SGMS1: variants seen among roughly 807,000 people sequenced by gnomAD.
SGMS1 encodes the protein phosphatidylcholine:ceramide cholinephosphotransferase 1.
A neutral mutation model predicts 46.2 loss-of-function variants in SGMS1; 13 were observed. That is an observed-to-expected ratio of 0.28 (90% confidence interval 0.18 to 0.45). The LOEUF (loss-of-function observed/expected upper bound fraction) is 0.45, where lower values mean the gene tolerates loss of function less well. SGMS1 is among the 20% of genes least tolerant of loss of function. The pLI is 1.00. For synonymous variants in SGMS1, 203 were observed against 187.8 expected, an observed-to-expected ratio of 1.08 and a Z score of -0.66; for missense variants, 324 against 519.9, an observed-to-expected ratio of 0.62 and a Z score of 3.66.
Position 50,511,248 on chromosome 10 carries a change from T to TACACACACACACACAC in SGMS1, c.-498+8567_-498+8582dup, listed in dbSNP as rs3054272. 3.2e-3 allele frequency among the ~76,000 whole-genome samples: 449 copies of TACACACACACACACAC among 141,756 alleles called. 1 individual carries two copies. Among genetic ancestry groups the TACACACACACACACAC allele is most frequent in the Admixed American group, 7.6e-3 (106 of 13,884 alleles). 93.0% of individuals were successfully genotyped at this position (141,756 alleles called of 152,430 possible). A position where few individuals can be genotyped will look rare whatever the true frequency, so the allele number is the denominator to read the frequency against. On this transcript the variant is annotated intron_variant, in intron 3 of 10. Transcript: ENST00000361781. Reference sequence around the variant, plus strand: ...TGAGAAATATTCATTCACTCATTCATACACACACACACACACACACACACA... The same window carrying TACACACACACACACAC: ...TGAGAAATATTCATTCACTCATTCATACACACACACACACACACACACACACACACACACACACACA...
chr10:50,589,300 C>T (rs944321081), intron 2 of SGMS1, among the ~76,000 whole-genome samples: 2 of 152,134 alleles, frequency 1.3e-5, no homozygotes, highest in East Asian at 1.9e-4. Flanking sequence ...GACTCACTGT[C>T]GCCCAGCCTG....
At chr10:50,313,462 G>A (rs149408581) in intron 8 of SGMS1, among the ~76,000 whole-genome samples, 1 of 152,202 alleles carries the variant, frequency 6.6e-6, no homozygotes, top group Non-Finnish European at 1.5e-5. Context: ...AAAAGGCGCT[G>A]TTGGGGTCAG....
chr10:50,425,789 T>C (rs1033863205), intron 6 of SGMS1, among the ~76,000 whole-genome samples: 1 of 152,234 alleles, frequency 6.6e-6, no homozygotes, highest in East Asian at 1.9e-4. Flanking sequence ...ACATGTTTTG[T>C]AGATCAGGTT....
chr10:50,495,394 G>C (rs1032907378), intron 3 of SGMS1, among the ~76,000 whole-genome samples: 1 of 152,056 alleles, frequency 6.6e-6, no homozygotes, highest in Non-Finnish European at 1.5e-5. Flanking sequence ...AATAGAATGT[G>C]ATCTATTTGA....
At chr10:50,484,576 TG>T (rs1837503979) in intron 3 of SGMS1, among the ~76,000 whole-genome samples, 1 of 152,046 alleles carries the variant, frequency 6.6e-6, no homozygotes, top group Non-Finnish European at 1.5e-5. Context: ...TACCAAAACC[TG>T]GCAGAGAAAA....
At chr10:50,468,695 G>T (rs916369487) in intron 3 of SGMS1, among the ~76,000 whole-genome samples, 1 of 152,128 alleles carries the variant, frequency 6.6e-6, no homozygotes, top group Non-Finnish European at 1.5e-5. Flanking sequence ...TGCCACACCT[G>T]CATGAATATT....
chr10:50,565,549 T>C (rs564454928), intron 2 of SGMS1, among the ~76,000 whole-genome samples: 13 of 152,302 alleles, frequency 8.5e-5, no homozygotes, highest in African/African-American at 2.2e-4. Context: ...TCAAGCACAA[T>C]GAGTTAAAAT....
chr10:50,576,646 T>G (rs1361629210), intron 2 of SGMS1, among the ~76,000 whole-genome samples: 1 of 152,234 alleles, frequency 6.6e-6, no homozygotes, highest in South Asian at 2.1e-4. Flanking sequence ...AAATGACTAA[T>G]GACAAAGCTG....
At chr10:50,353,117 C>T (rs1475548745) in intron 6 of SGMS1, among the ~76,000 whole-genome samples, 1 of 152,214 alleles carries the variant, frequency 6.6e-6, no homozygotes, top group African/African-American at 2.4e-5. Flanking sequence ...ATACCAAAGC[C>T]TGGCAGAGAC....
chr10:50,312,216 A>G (rs1847265987), intron 8 of SGMS1, among the ~76,000 whole-genome samples: 1 of 152,128 alleles, frequency 6.6e-6, no homozygotes, highest in African/African-American at 2.4e-5. Flanking sequence ...CCATGATTTC[A>G]ATATTTAACT....
chr10:50,502,016 T>C (rs2133757955), intron 3 of SGMS1, among the ~76,000 whole-genome samples: 1 of 152,218 alleles, frequency 6.6e-6, no homozygotes, highest in Admixed American at 6.5e-5. Context: ...GGGCCTCCCT[T>C]GTGGACAGAG....
intron 5 of SGMS1, among the ~76,000 whole-genome samples, chr10:50,437,071 T>C (rs1420308375): frequency 1.3e-5 from 2 of 152,254 alleles, no homozygotes; most frequent in African/African-American, 4.8e-5. Context: ...ACATAATGTC[T>C]ATACACAATT....
chr10:50,518,942 A>G (rs1461001138), intron 3 of SGMS1, among the ~76,000 whole-genome samples: 1 of 152,178 alleles, frequency 6.6e-6, no homozygotes, highest in African/African-American at 2.4e-5. Flanking sequence ...TTTTAAACCC[A>G]CTAGCGGGGC....
At chr10:50,435,779 T>C (rs535963298) in intron 5 of SGMS1, among the ~76,000 whole-genome samples, 1 of 152,156 alleles carries the variant, frequency 6.6e-6, no homozygotes, top group East Asian at 1.9e-4. Context: ...AACAAAAAAA[T>C]ACAAGATTCA....
intron 6 of SGMS1, among the ~76,000 whole-genome samples, chr10:50,380,076 T>C (rs986905780): frequency 1.5e-4 from 23 of 152,234 alleles, no homozygotes; most frequent in African/African-American, 4.6e-4. Context: ...GGCTGAAATA[T>C]AGACTTTTAA....
At chr10:50,393,472 T>C (rs1413900711) in intron 6 of SGMS1, among the ~76,000 whole-genome samples, 1 of 152,156 alleles carries the variant, frequency 6.6e-6, no homozygotes, top group Non-Finnish European at 1.5e-5. Context: ...CTGCTAAAGC[T>C]TTACTCTGTA....
At chr10:50,499,814 T>C (rs778385373) in intron 3 of SGMS1, among the ~76,000 whole-genome samples, 11 of 152,240 alleles carry the variant, frequency 7.2e-5, no homozygotes, top group Non-Finnish European at 5.9e-5. Flanking sequence ...AAAAAGTTAA[T>C]GCCAAATGGC....
At chr10:50,320,056 T>C (rs1847415503) in intron 8 of SGMS1, among the ~76,000 whole-genome samples, 1 of 152,214 alleles carries the variant, frequency 6.6e-6, no homozygotes, top group Non-Finnish European at 1.5e-5. Context: ...GAGTCATACA[T>C]GGTTAGCTCT....
At chr10:50,330,546 A>G (rs1044434010) in intron 7 of SGMS1, among the ~76,000 whole-genome samples, 5 of 152,204 alleles carry the variant, frequency 3.3e-5, no homozygotes, top group Non-Finnish European at 7.4e-5. Context: ...TAAAACTAAA[A>G]TACTGGAAAA....
Sources: gnomAD v4.1 joint callset for allele counts (sites outside exome capture counted in the v4.1 genomes callset) on GRCh38, gnomAD v4.1.1 for gene constraint, MANE v1.5 for transcripts, NCBI Gene and HGNC (gene_info 2026-07-23, HGNC 2026-07-21) for gene names.